Variants in PPHLN1 observed in about 807,000 individuals in gnomAD.
PPHLN1 encodes the protein periphilin 1, also known as periphilin-1.
PPHLN1 carries 29 observed loss-of-function variants against 51.3 expected under a neutral mutation model. The observed-to-expected ratio is 0.57, with a 90% confidence interval of 0.42 to 0.77. The LOEUF (loss-of-function observed/expected upper bound fraction) is 0.77. Ranked by LOEUF, PPHLN1 falls within the 30% of genes least tolerant of loss-of-function variation. PPHLN1 has a pLI of 0.00. For synonymous variants in PPHLN1, 147 were observed against 147.8 expected, an observed-to-expected ratio of 0.99 and a Z score of 0.04; for missense variants, 436 against 438.4, an observed-to-expected ratio of 0.99 and a Z score of 0.05.
downstream of PPHLN1, chr12:42,447,960 C>G (rs971412384): frequency 2.6e-5 from 4 of 152,024 alleles, no homozygotes; most frequent in Admixed American, 2.6e-4. Context: ...AAGCTAAATC[C>G]CACATAACAA....
chr12:42,419,943 G>T (rs1281085153), intron 9 of PPHLN1, among the ~76,000 whole-genome samples: 1 of 152,202 alleles, frequency 6.6e-6, no homozygotes, highest in African/African-American at 2.4e-5. Context: ...GAGAATGATT[G>T]TTGCTGCTTC....
At chr12:42,348,370 C>T (rs1592274945) in intron 2 of PPHLN1, among the ~76,000 whole-genome samples, 1 of 150,122 alleles carries the variant, frequency 6.7e-6, no homozygotes, top group Admixed American at 6.7e-5. Context: ...GCTCCACCTG[C>T]CTTGACCTCC....
intron 9 of PPHLN1, among the ~76,000 whole-genome samples, chr12:42,418,349 G>C (rs1669937): frequency 0.3 from 45,039 of 150,652 alleles, 7,779 homozygotes; most frequent in Non-Finnish European, 0.38. Context: ...CTCAGCCTCC[G>C]TAACCAAATG....
chr12:42,371,874 A>G (rs571973865), intron 4 of PPHLN1, among the ~76,000 whole-genome samples: 1 of 152,332 alleles, frequency 6.6e-6, no homozygotes, highest in South Asian at 2.1e-4. Flanking sequence ...TCTTTACTTT[A>G]GATATGACTA....
intron 4 of PPHLN1, among the ~76,000 whole-genome samples, chr12:42,362,531 T>G (rs2074811882): frequency 6.6e-6 from 1 of 152,200 alleles, no homozygotes; most frequent in Non-Finnish European, 1.5e-5. Flanking sequence ...CAGTCTCTTC[T>G]TAGGCTTCTC....
Position 42,423,860 on chromosome 12 carries a change from A to G in PPHLN1, c.910-17455A>G, listed in dbSNP as rs558897075. ...CCCAGCTAATTTTTACATTTTTAGT[A>G]GAGATAGGGTTTTACCATGTTGGCC... On this transcript the variant is annotated intron_variant, in intron 9 of 9. Coordinates refer to ENST00000358314, the MANE Select transcript of PPHLN1 (RefSeq NM_201439.2). 6.1e-4 allele frequency among the ~76,000 whole-genome samples: 93 copies of G among 152,164 alleles called. 2 individuals carry two copies. In the Middle Eastern group the frequency reaches 0.021, roughly 34 times the overall value.
At chr12:42,392,504 G>A (rs1417312740) in intron 7 of PPHLN1, among the ~76,000 whole-genome samples, 1 of 152,148 alleles carries the variant, frequency 6.6e-6, no homozygotes, top group East Asian at 1.9e-4. Flanking sequence ...AGTAATAGAA[G>A]GTTTTTTAAG....
chr12:42,326,992 G>C (rs972423367), intron 1 of PPHLN1, among the ~76,000 whole-genome samples: 7 of 152,194 alleles, frequency 4.6e-5, no homozygotes, highest in African/African-American at 1.7e-4. Context: ...CCAGGGCGCA[G>C]CTGAATTTTG....
intron 5 of PPHLN1, among the ~76,000 whole-genome samples, chr12:42,377,449 G>A (rs1226882469): frequency 1.3e-5 from 2 of 151,864 alleles, no homozygotes; most frequent in Non-Finnish European, 2.9e-5. Context: ...GGGATTACAA[G>A]TGTGCACCAC....
chr12:42,389,370 T>A (rs1293834216), intron 7 of PPHLN1, among the ~76,000 whole-genome samples: 3 of 143,732 alleles, frequency 2.1e-5, no homozygotes, highest in African/African-American at 5.3e-5. Context: ...AGACTCCGTC[T>A]CAAAACAAAA....
intron 2 of PPHLN1, among the ~76,000 whole-genome samples, chr12:42,348,758 G>A (rs560813669): frequency 6.6e-6 from 1 of 151,964 alleles, no homozygotes; most frequent in Non-Finnish European, 1.5e-5. Flanking sequence ...TTTTATGAGT[G>A]ACAAATTTTC....
intron 9 of PPHLN1, among the ~76,000 whole-genome samples, chr12:42,438,571 T>C (rs988891035): frequency 7.2e-5 from 11 of 152,102 alleles, no homozygotes; most frequent in African/African-American, 2.4e-4. Context: ...GTTTTATAAT[T>C]GGGTTGTTTC....
chr12:42,340,517 C>T (rs11181436), intron 2 of PPHLN1, among the ~76,000 whole-genome samples: 24,667 of 152,016 alleles, frequency 0.16, 2,047 homozygotes, highest in Admixed American at 0.2. Flanking sequence ...GGGCTACTGC[C>T]AAGTGCAACA....
At chr12:42,355,458 C>G (rs1437373228) in intron 4 of PPHLN1, 2 of 395,118 alleles carry the variant, frequency 5.1e-6, no homozygotes, top group African/African-American at 4.2e-5. Context: ...ATATTTGGGC[C>G]TGGTGCGGTG....
chr12:42,384,648 C>G (rs988417665), intron 5 of PPHLN1, among the ~76,000 whole-genome samples: 1 of 152,178 alleles, frequency 6.6e-6, no homozygotes, highest in African/African-American at 2.4e-5. Context: ...TCTTGTCTTT[C>G]TATGAACCTT....
chr12:42,363,046 AC>A (rs1264285516), intron 4 of PPHLN1, among the ~76,000 whole-genome samples: 1 of 152,112 alleles, frequency 6.6e-6, no homozygotes, highest in Non-Finnish European at 1.5e-5. Flanking sequence ...ATATCATGTT[AC>A]CCCTGGACTT....
chr12:42,383,445 C>T (rs1276594139), intron 5 of PPHLN1, among the ~76,000 whole-genome samples: 1 of 152,060 alleles, frequency 6.6e-6, no homozygotes, highest in Non-Finnish European at 1.5e-5. Flanking sequence ...GAAATAAACA[C>T]TTAATAAAAT....
intron 3 of PPHLN1, among the ~76,000 whole-genome samples, chr12:42,352,454 G>C (rs1441889174): frequency 6.6e-6 from 1 of 150,418 alleles, no homozygotes; most frequent in East Asian, 2.0e-4. Context: ...CTGTCCCCCA[G>C]GTTGGGGTGC....
intron 5 of PPHLN1, among the ~76,000 whole-genome samples, chr12:42,376,399 GAGAT>G (rs2076266841): frequency 6.6e-6 from 1 of 152,238 alleles, no homozygotes; most frequent in Non-Finnish European, 1.5e-5. Flanking sequence ...ACTCTTTGCA[GAGAT>G]AGATAGAGTG....
Sources: gnomAD v4.1 joint callset for allele counts (sites outside exome capture counted in the v4.1 genomes callset) on GRCh38, gnomAD v4.1.1 for gene constraint, MANE v1.5 for transcripts, NCBI Gene and HGNC (gene_info 2026-07-23, HGNC 2026-07-21) for gene names.